Variants in AK8 observed in about 807,000 individuals in gnomAD.
AK8 encodes the protein ATP-AMP transphosphorylase 8.
Under a neutral mutation model 54.6 loss-of-function variants are expected in AK8, and 44 were observed. The observed-to-expected ratio is 0.81, with a 90% confidence interval of 0.63 to 1.04. The LOEUF (loss-of-function observed/expected upper bound fraction) is 1.04, where lower values mean the gene tolerates loss of function less well. AK8 is among the 50% of genes least tolerant of loss of function. AK8 has a pLI of 0.00. For synonymous variants in AK8, 239 were observed against 245.6 expected (o/e 0.97, Z 0.25); for missense variants, 555 against 613.6 (o/e 0.90, Z 1.01).
At chr9:132,762,968 C>T (rs766723590) in intron 11 of AK8, among the ~76,000 whole-genome samples, 1 of 152,210 alleles carries the variant, frequency 6.6e-6, no homozygotes, top group Non-Finnish European at 1.5e-5. Flanking sequence ...CCAGGAGGAA[C>T]GTCTTCCTAC....
chr9:132,776,839 G>A (rs1014605375), intron 11 of AK8, among the ~76,000 whole-genome samples: 5 of 152,118 alleles, frequency 3.3e-5, no homozygotes, highest in African/African-American at 9.7e-5. Flanking sequence ...CCCCTTCACG[G>A]GCAATTTACT....
At chr9:132,870,684 G>A (rs939105355) in intron 2 of AK8, among the ~76,000 whole-genome samples, 3 of 152,214 alleles carry the variant, frequency 2.0e-5, no homozygotes, top group East Asian at 1.9e-4. Flanking sequence ...GGATGAGTCC[G>A]GGGCCTTCTT....
intron 11 of AK8, among the ~76,000 whole-genome samples, chr9:132,788,779 T>A (rs2772008): frequency 1.4e-4 from 22 of 152,056 alleles, no homozygotes; most frequent in Non-Finnish European, 2.4e-4. Flanking sequence ...AGTTACTGCC[T>A]GAGTTTTAAA....
At chr9:132,867,391 G>T (rs1013945845) in intron 2 of AK8, among the ~76,000 whole-genome samples, 2 of 152,246 alleles carry the variant, frequency 1.3e-5, no homozygotes, top group African/African-American at 4.8e-5. Flanking sequence ...ACAGAGGGAA[G>T]TAATGGGAAA....
At chr9:132,823,061 G>A (rs998604205) in intron 9 of AK8, 144 bp downstream of exon 9, 17 of 1,170,816 alleles carry the variant, frequency 1.5e-5, no homozygotes, top group Non-Finnish European at 1.8e-5. Context: ...AACAGAAAAT[G>A]GTTAAGAACA....
intron 11 of AK8, among the ~76,000 whole-genome samples, chr9:132,728,299 C>T (rs914270859): frequency 2.0e-5 from 3 of 152,206 alleles, no homozygotes; most frequent in Non-Finnish European, 4.4e-5. Context: ...TCTCAGCCCC[C>T]ATCACTCCTG....
At chr9:132,854,764 G>T in intron 5 of AK8, 93 bp downstream of exon 5, 1 of 1,364,990 alleles carries the variant, frequency 7.3e-7, no homozygotes, top group Non-Finnish European at 1.0e-6. Flanking sequence ...CTTCTCTTAT[G>T]CCTCTGGTCA....
chr9:132,730,618 G>C (rs952176776), intron 11 of AK8, among the ~76,000 whole-genome samples: 1 of 152,112 alleles, frequency 6.6e-6, no homozygotes, highest in African/African-American at 2.4e-5. Context: ...GAACTGCTCA[G>C]TCAGGGGCAT....
intron 4 of AK8, among the ~76,000 whole-genome samples, chr9:132,856,275 C>T (rs753461567): frequency 2.0e-5 from 3 of 152,192 alleles, no homozygotes; most frequent in Admixed American, 6.5e-5. Context: ...AGCAGAGACT[C>T]GGACTTGGCA....
chr9:132,816,806 G>A (rs1219089141), intron 9 of AK8, among the ~76,000 whole-genome samples: 1 of 152,154 alleles, frequency 6.6e-6, no homozygotes, highest in Non-Finnish European at 1.5e-5. Flanking sequence ...TCAAATCATG[G>A]CACAGGAGAA....
intron 2 of AK8, among the ~76,000 whole-genome samples, chr9:132,871,908 T>C (rs1043095061): frequency 6.6e-6 from 1 of 152,220 alleles, no homozygotes; most frequent in Non-Finnish European, 1.5e-5. Context: ...TAGTTTGACA[T>C]TGAAAATTAA....
At chr9:132,812,526 A>ATGACGAGTGAGCCG (rs1564415056) in intron 10 of AK8, among the ~76,000 whole-genome samples, 53 of 6,994 alleles carry the variant, frequency 7.6e-3, no homozygotes, top group African/African-American at 0.022. Flanking sequence ...GGGGTGAGCT[A>ATGACGAGTGAGCCG]CCGTGCCCAC....
At chr9:132,830,961 T>C (rs1353867102) in intron 5 of AK8, among the ~76,000 whole-genome samples, 1 of 152,216 alleles carries the variant, frequency 6.6e-6, no homozygotes, top group Non-Finnish European at 1.5e-5. Flanking sequence ...AGTGTGCGAA[T>C]GATATAGGGC....
At chr9:132,848,215 C>T (rs1842835463) in intron 5 of AK8, among the ~76,000 whole-genome samples, 1 of 149,832 alleles carries the variant, frequency 6.7e-6, no homozygotes, top group African/African-American at 2.4e-5. Flanking sequence ...GAGTCTAATC[C>T]AACTTGGCAA....
chr9:132,828,159 A>G, intron 6 of AK8, 75 bp from the exon 7 acceptor site: 1 of 1,316,296 alleles, frequency 7.6e-7, no homozygotes, highest in South Asian at 1.3e-5. Flanking sequence ...TCACAGACCA[A>G]TACTTGCTTT....
At chr9:132,850,722 C>T (rs1235779519) in intron 5 of AK8, among the ~76,000 whole-genome samples, 4 of 151,924 alleles carry the variant, frequency 2.6e-5, no homozygotes, top group Non-Finnish European at 2.9e-5. Context: ...TTAGTAGAGA[C>T]GGGGTTTTGC....
rs1048219817 is a variant in AK8 at position 132,826,307 on chromosome 9, G to A, written c.757+547C>T. 4.6e-5 allele frequency among the ~76,000 whole-genome samples: 7 copies of A among 152,254 alleles called. No homozygotes were observed. The highest frequency in any genetic ancestry group is 4.1e-4 in the South Asian group (2 of 4,824). On this transcript the variant is annotated intron_variant, in intron 8 of 12. Transcript: ENST00000298545. The surrounding 1 kb of genome is among the most constrained non-coding windows in gnomAD (Gnocchi z 4.5). ...CTCAGCTCAGCCATCCCCGCACCTC[G>A]CACAGGCTGCCCGCAGTGGCTCCCG...
At position 132,876,938 on chromosome 9, in the gene AK8, C is replaced by T. The variant is rs571129526; in HGVS notation, c.84+1234G>A. On this transcript the variant is annotated intron_variant, in intron 1 of 12. Coordinates refer to ENST00000298545, the MANE Select transcript of AK8 (RefSeq NM_152572.3). ...CATTAGCCAGGTATGGTGGCCTGCA[C>T]CTGTAGTCTCGGCTACTCTGGAGGG... Among the ~76,000 whole-genome samples the T allele has an allele frequency of 2.0e-5, 3 of 152,086 alleles. No individual in the cohort carries two copies. The South Asian group carries it at 6.2e-4, about 32-fold the overall frequency.
intron 2 of AK8, among the ~76,000 whole-genome samples, chr9:132,869,205 CTATT>C (rs1843710918): frequency 6.6e-6 from 1 of 152,206 alleles, no homozygotes; most frequent in African/African-American, 2.4e-5. Flanking sequence ...ATATCTATGT[CTATT>C]TATCTATCTA....
Sources: allele counts gnomAD v4.1 joint callset (sites outside exome capture counted in the v4.1 genomes callset), GRCh38; gene constraint gnomAD v4.1.1; non-coding constraint Gnocchi (gnomAD v3.1); transcripts MANE v1.5; gene names NCBI Gene and HGNC (gene_info 2026-07-23, HGNC 2026-07-21).